XKR9: variants seen among roughly 807,000 people sequenced by gnomAD.
XKR9 encodes the protein XK related 9.
Under a neutral mutation model 32.0 loss-of-function variants are expected in XKR9, and 32 were observed. The observed-to-expected ratio is 1.00, with a 90% CI of 0.76 to 1.34. XKR9 has a LOEUF of 1.34. Ranked by LOEUF, XKR9 falls within the 40% of genes most tolerant of loss-of-function variation. XKR9 has a pLI of 0.00. For missense variants in XKR9, 546 were observed against 429.7 expected (o/e 1.27, Z -2.39); for synonymous variants, 168 against 143.4 (o/e 1.17, Z -1.22).
At chr8:70,846,841 A>G in the XKR9 span, among the ~76,000 whole-genome samples, 3 of 152,084 alleles carry the variant, frequency 2.0e-5, no homozygotes, top group African/African-American at 7.2e-5. Flanking sequence ...CATCCAATAT[A>G]TAAAACAAAT....
the XKR9 span, among the ~76,000 whole-genome samples, chr8:71,021,726 C>T: frequency 3.3e-5 from 5 of 152,100 alleles, no homozygotes; most frequent in Non-Finnish European, 1.5e-5. Context: ...TGGTCTCGAT[C>T]TCCTGACCTC....
the XKR9 span, among the ~76,000 whole-genome samples, chr8:70,995,333 A>G: frequency 1.3e-5 from 2 of 152,202 alleles, no homozygotes; most frequent in Non-Finnish European, 2.9e-5. Context: ...GATCATTTTC[A>G]CTACAGCCAT....
chr8:70,912,355 C>T, the XKR9 span, among the ~76,000 whole-genome samples: 1 of 152,076 alleles, frequency 6.6e-6, no homozygotes, highest in African/African-American at 2.4e-5. Flanking sequence ...AGATGCATTA[C>T]ATGAAGACTA....
chr8:70,784,664 T>C (rs1229603419), intron 2 of XKR9, among the ~76,000 whole-genome samples: 1 of 152,104 alleles, frequency 6.6e-6, no homozygotes, highest in Non-Finnish European at 1.5e-5. Flanking sequence ...TTTACTTCTT[T>C]CTTTTCTATT....
chr8:70,990,612 A>G, the XKR9 span, among the ~76,000 whole-genome samples: 9 of 152,302 alleles, frequency 5.9e-5, no homozygotes, highest in South Asian at 1.9e-3. Context: ...GTTCAGTTCT[A>G]TGAAGCCACG....
At chr8:70,742,873 C>G (rs1421527848) in intron 2 of XKR9, among the ~76,000 whole-genome samples, 1 of 151,982 alleles carries the variant, frequency 6.6e-6, no homozygotes, top group Non-Finnish European at 1.5e-5. Context: ...CTACTGTGTT[C>G]ATGTGTATAG....
rs35422609 is a variant in XKR9 at position 70,686,240 on chromosome 8, C to CT, written c.272+4926dup. ...AACACTTTAAATATTTCACTCCATT[C>CT]TTTTTTTTTTTTTTTTGAGACAGAA... On this transcript the variant is annotated intron_variant, in intron 3 of 4. Coordinates refer to ENST00000408926, the MANE Select transcript of XKR9 (RefSeq NM_001011720.2). 1.1e-3 allele frequency among the ~76,000 whole-genome samples: 131 copies of CT among 123,074 alleles called. 1 individual carries two copies. The highest frequency in any genetic ancestry group is 1.8e-3 in the African/African-American group (60 of 34,172). The allele number at this position is 123,074 out of a possible 152,430, so 80.7% of individuals were successfully genotyped here.
At chr8:70,804,062 G>A in the XKR9 span, among the ~76,000 whole-genome samples, 1 of 152,244 alleles carries the variant, frequency 6.6e-6, no homozygotes, top group Non-Finnish European at 1.5e-5. Flanking sequence ...GCTCTAGCAA[G>A]CATTGCCTGC....
the XKR9 span, among the ~76,000 whole-genome samples, chr8:70,953,202 G>A: frequency 6.6e-6 from 1 of 152,222 alleles, no homozygotes; most frequent in African/African-American, 2.4e-5. Flanking sequence ...GGAGAACAAT[G>A]ATTATAGCAG....
intron 3 of XKR9, among the ~76,000 whole-genome samples, chr8:70,698,867 T>C (rs1392997303): frequency 6.6e-6 from 1 of 152,192 alleles, no homozygotes; most frequent in Non-Finnish European, 1.5e-5. Flanking sequence ...ATCTGGGTGC[T>C]CCTGTATTGG....
At chr8:70,701,519 C>T (rs1164315510) in intron 3 of XKR9, among the ~76,000 whole-genome samples, 1 of 152,192 alleles carries the variant, frequency 6.6e-6, no homozygotes, top group East Asian at 1.9e-4. Context: ...TTCACATCCC[C>T]ACCCTTTTCC....
At chr8:70,888,127 G>A in the XKR9 span, among the ~76,000 whole-genome samples, 3 of 151,826 alleles carry the variant, frequency 2.0e-5, no homozygotes, top group African/African-American at 7.3e-5. Context: ...TCACACTATA[G>A]TGTTATAAAC....
the XKR9 span, among the ~76,000 whole-genome samples, chr8:70,948,389 C>T: frequency 2.6e-5 from 4 of 152,072 alleles, no homozygotes; most frequent in East Asian, 1.9e-4. Context: ...AATTTTAATC[C>T]GATACCAAGA....
intron 2 of XKR9, among the ~76,000 whole-genome samples, chr8:70,773,463 T>C (rs890010528): frequency 5.3e-5 from 8 of 152,206 alleles, no homozygotes; most frequent in Non-Finnish European, 1.0e-4. Flanking sequence ...GGCTAAGCTT[T>C]TAACAAGCTC....
At chr8:70,985,976 A>G in the XKR9 span, among the ~76,000 whole-genome samples, 1 of 152,190 alleles carries the variant, frequency 6.6e-6, no homozygotes, top group East Asian at 1.9e-4. Flanking sequence ...AAATCAAAAG[A>G]TTACAGAGGG....
chr8:71,021,302 G>T, the XKR9 span, among the ~76,000 whole-genome samples: 637 of 152,166 alleles, frequency 4.2e-3, 32 homozygotes, highest in East Asian at 0.099. Flanking sequence ...TTTCATGTTT[G>T]TTGGCCACTT....
chr8:71,062,196 C>G, the XKR9 span, among the ~76,000 whole-genome samples: 1 of 152,076 alleles, frequency 6.6e-6, no homozygotes, highest in Non-Finnish European at 1.5e-5. Flanking sequence ...ATGTAGCCAT[C>G]GTGAAGAACA....
chr8:70,772,354 A>G (rs932411601), intron 2 of XKR9, among the ~76,000 whole-genome samples: 1 of 152,184 alleles, frequency 6.6e-6, no homozygotes, highest in South Asian at 2.1e-4. Context: ...TTAGTGATAT[A>G]TGTTTGGGAC....
At chr8:70,677,704 A>G (rs1818930306) in intron 2 of XKR9, among the ~76,000 whole-genome samples, 1 of 152,034 alleles carries the variant, frequency 6.6e-6, no homozygotes, top group Non-Finnish European at 1.5e-5. Flanking sequence ...ATTAGAGAAA[A>G]CTCACCTAAA....
Sources: gnomAD v4.1 joint callset for allele counts (sites outside exome capture counted in the v4.1 genomes callset) on GRCh38, gnomAD v4.1.1 for gene constraint, MANE v1.5 for transcripts, NCBI Gene and HGNC (gene_info 2026-07-23, HGNC 2026-07-21) for gene names.